GRID2: variants seen among roughly 807,000 people sequenced by gnomAD.
GRID2 encodes glutamate receptor ionotropic, delta-2.
In GRID2, 33 loss-of-function variants were observed where a neutral mutation model predicts 114.8. The ratio of observed to expected loss-of-function variants is 0.29; its 90% CI spans 0.22 to 0.38. GRID2 has a LOEUF of 0.38. Among genes scored for constraint, GRID2 ranks in the 10% least tolerant of loss-of-function variants. GRID2 has a pLI of 1.00. For synonymous variants in GRID2, 505 were observed against 449.9 expected, an observed-to-expected ratio of 1.12 and a Z score of -1.55; for missense variants, 1,184 against 1,257.7, an observed-to-expected ratio of 0.94 and a Z score of 0.89.
At chr4:92,369,906 T>C (rs1392599545) in intron 1 of GRID2, among the ~76,000 whole-genome samples, 1 of 152,212 alleles carries the variant, frequency 6.6e-6, no homozygotes, top group Non-Finnish European at 1.5e-5. Context: ...TTTTTAGATA[T>C]CTAATATGAA....
chr4:93,552,921 A>G (rs1445976361), intron 13 of GRID2, among the ~76,000 whole-genome samples: 1 of 151,800 alleles, frequency 6.6e-6, no homozygotes, highest in Admixed American at 6.6e-5. Context: ...GCTGAGAGTG[A>G]TGGTTTCCAG....
At chr4:93,017,821 A>G (rs1270992051) in intron 2 of GRID2, among the ~76,000 whole-genome samples, 1 of 150,280 alleles carries the variant, frequency 6.7e-6, no homozygotes, top group Non-Finnish European at 1.5e-5. Context: ...AAAAAAAAAA[A>G]AGAAAAGAAA....
intron 1 of GRID2, among the ~76,000 whole-genome samples, chr4:92,500,884 G>A (rs970889506): frequency 6.6e-6 from 1 of 152,098 alleles, no homozygotes; most frequent in Non-Finnish European, 1.5e-5. Flanking sequence ...TAATTAATCA[G>A]AGTCTCCCAG....
chr4:92,950,469 T>C (rs373862988), intron 2 of GRID2, among the ~76,000 whole-genome samples: 3 of 152,184 alleles, frequency 2.0e-5, no homozygotes, highest in African/African-American at 7.2e-5. Context: ...GCTTTAGACA[T>C]ATACGTGATT....
intron 2 of GRID2, among the ~76,000 whole-genome samples, chr4:93,038,511 C>A (rs1421870467): frequency 1.3e-5 from 2 of 152,070 alleles, no homozygotes; most frequent in Non-Finnish European, 2.9e-5. Context: ...AGGAAACAGG[C>A]CAGGTGTGGT....
chr4:92,542,884 C>A (rs1029219041), intron 1 of GRID2, among the ~76,000 whole-genome samples: 14 of 151,832 alleles, frequency 9.2e-5, no homozygotes, highest in Non-Finnish European at 1.9e-4. Context: ...TTCTAGTAGA[C>A]CCTGTTCTTC....
chr4:93,458,056 C>T (rs748999831), intron 11 of GRID2, among the ~76,000 whole-genome samples: 6 of 152,066 alleles, frequency 3.9e-5, no homozygotes, highest in Non-Finnish European at 8.8e-5. Flanking sequence ...TAATTGCAAA[C>T]TCCTGATTGA....
chr4:92,901,246 C>A (rs1044709922), intron 2 of GRID2, among the ~76,000 whole-genome samples: 1 of 152,086 alleles, frequency 6.6e-6, no homozygotes, highest in African/African-American at 2.4e-5. Context: ...CTGTTATTTT[C>A]TAACTTTTTA....
intron 2 of GRID2, among the ~76,000 whole-genome samples, chr4:92,617,243 G>A (rs11734482): frequency 0.055 from 8,379 of 151,016 alleles, 298 homozygotes; most frequent in East Asian, 0.16. Context: ...GATCTAGCAT[G>A]CAAGTACAGA....
At chr4:92,790,337 T>C (rs1240006683) in intron 2 of GRID2, among the ~76,000 whole-genome samples, 1 of 151,860 alleles carries the variant, frequency 6.6e-6, no homozygotes, top group Non-Finnish European at 1.5e-5. Context: ...CTTTTACAAA[T>C]CTCATATTTC....
intron 14 of GRID2, among the ~76,000 whole-genome samples, chr4:93,649,844 G>A (rs1002349079): frequency 2.0e-5 from 3 of 152,028 alleles, no homozygotes; most frequent in African/African-American, 7.2e-5. Flanking sequence ...CAAAATCCTA[G>A]TCCATCTCCA....
chr4:93,325,567 A>G (rs1439318120), intron 8 of GRID2, among the ~76,000 whole-genome samples: 4 of 151,898 alleles, frequency 2.6e-5, no homozygotes, highest in Non-Finnish European at 5.9e-5. Context: ...TGTTATATGT[A>G]TTATACTATT....
chr4:92,891,265 GAAAA>G (rs199651458), intron 2 of GRID2, among the ~76,000 whole-genome samples: 7 of 151,490 alleles, frequency 4.6e-5, no homozygotes, highest in African/African-American at 1.7e-4. Context: ...CAAACTATAA[GAAAA>G]AAAAGCAGAA....
chr4:92,848,163 C>G (rs1007711648), intron 2 of GRID2, among the ~76,000 whole-genome samples: 1 of 151,076 alleles, frequency 6.6e-6, no homozygotes, highest in African/African-American at 2.4e-5. Context: ...CGAAATCAGT[C>G]TTTTTGGAAG....
Position 93,612,467 on chromosome 4 carries a change from G to A in GRID2, c.2194-13802G>A, listed in dbSNP as rs1388149671. 3.6e-3 allele frequency among the ~76,000 whole-genome samples: 476 copies of A among 131,770 alleles called. 9 individuals are homozygous for A. Among genetic ancestry groups the A allele is most frequent in the African/African-American group, 0.013 (457 of 34,588 alleles). The allele number at this position is 131,770 out of a possible 152,430, so 86.4% of individuals were successfully genotyped here. ...GCTGGTACCGGTTGTTCCTTTCCAT[G>A]TTTAGCGCTTCCTTCAGGAGCTCTT... On this transcript the variant is annotated intron_variant, in intron 13 of 15. Transcript: ENST00000282020.
At chr4:93,183,152 C>T (rs1740060735) in intron 4 of GRID2, among the ~76,000 whole-genome samples, 1 of 152,004 alleles carries the variant, frequency 6.6e-6, no homozygotes, top group Non-Finnish European at 1.5e-5. Context: ...TGAGGCAGAA[C>T]TACATAAACA....
chr4:92,416,661 G>A (rs1731631197), intron 1 of GRID2, among the ~76,000 whole-genome samples: 1 of 152,072 alleles, frequency 6.6e-6, no homozygotes, highest in African/African-American at 2.4e-5. Context: ...TGAATAGGGT[G>A]TCCTTTTGCC....
intron 14 of GRID2, among the ~76,000 whole-genome samples, chr4:93,733,104 C>G (rs996625030): frequency 2.6e-5 from 4 of 152,176 alleles, no homozygotes; most frequent in African/African-American, 9.6e-5. Context: ...ATTGCTGTTA[C>G]TTCACCCTAC....
intron 1 of GRID2, among the ~76,000 whole-genome samples, chr4:92,546,270 G>T (rs1356188926): frequency 1.3e-5 from 2 of 152,074 alleles, no homozygotes; most frequent in Non-Finnish European, 2.9e-5. Context: ...AAACCAACAT[G>T]CAAAAGAAAG....
Sources: allele counts gnomAD v4.1 joint callset (sites outside exome capture counted in the v4.1 genomes callset), GRCh38; gene constraint gnomAD v4.1.1; transcripts MANE v1.5; gene names NCBI Gene and HGNC (gene_info 2026-07-23, HGNC 2026-07-21).